Variants in DCP2 observed in about 807,000 individuals in gnomAD.
DCP2 encodes decapping mRNA 2, also known as m7GpppN-mRNA hydrolase.
In DCP2, 30 loss-of-function variants were observed where a neutral mutation model predicts 56.1. The ratio of observed to expected loss-of-function variants is 0.53; its 90% CI spans 0.40 to 0.73. The LOEUF is 0.73. Among genes scored for constraint, DCP2 ranks in the 30% least tolerant of loss-of-function variants. The pLI is 0.00. For synonymous variants in DCP2, 197 were observed against 163.3 expected (o/e 1.21, Z -1.57); for missense variants, 533 against 502.7 (o/e 1.06, Z -0.58).
intron 2 of DCP2, among the ~76,000 whole-genome samples, chr5:112,991,339 A>T (rs1211849280): frequency 6.6e-6 from 1 of 152,194 alleles, no homozygotes; most frequent in African/African-American, 2.4e-5. Flanking sequence ...TATTATAGTG[A>T]TGGGGCATTC....
chr5:112,983,678 T>C (rs748681171), intron 1 of DCP2, among the ~76,000 whole-genome samples: 4 of 152,058 alleles, frequency 2.6e-5, no homozygotes, highest in Non-Finnish European at 4.4e-5. Flanking sequence ...AAGGAAGATA[T>C]TAGAAGCATC....
intron 1 of DCP2, among the ~76,000 whole-genome samples, chr5:112,979,821 A>G (rs1747911579): frequency 6.6e-6 from 1 of 152,198 alleles, no homozygotes; most frequent in Non-Finnish European, 1.5e-5. Flanking sequence ...TGTGTGTTGA[A>G]AAGATGTACA....
intron 8 of DCP2, among the ~76,000 whole-genome samples, chr5:113,005,262 T>TTA (rs1749371437): frequency 6.6e-6 from 1 of 151,706 alleles, no homozygotes; most frequent in Admixed American, 6.6e-5. Flanking sequence ...TATTTGCAAA[T>TTA]TATATATATA....
chr5:112,995,028 G>C (rs2150178685), intron 4 of DCP2, among the ~76,000 whole-genome samples: 1 of 152,212 alleles, frequency 6.6e-6, no homozygotes, highest in Non-Finnish European at 1.5e-5. Flanking sequence ...ATTAATGAGG[G>C]ATAATAGTTA....
At chr5:112,992,860 G>GGTTACT in intron 4 of DCP2, 90 bp downstream of exon 4, 12 of 873,068 alleles carry the variant, frequency 1.4e-5, no homozygotes, top group Non-Finnish European at 1.9e-5. Flanking sequence ...TCTTTGGACT[G>GGTTACT]TCTTAACCCT....
chr5:112,980,886 A>T (rs569169943), intron 1 of DCP2, among the ~76,000 whole-genome samples: 6 of 151,878 alleles, frequency 4.0e-5, no homozygotes, highest in African/African-American at 1.4e-4. Context: ...TCAACTTTCT[A>T]TATTGAATTG....
At chr5:113,009,579 C>CG (rs751573722) in intron 9 of DCP2, among the ~76,000 whole-genome samples, 4 of 152,158 alleles carry the variant, frequency 2.6e-5, no homozygotes, top group African/African-American at 4.8e-5. Context: ...AAAGTGTTCA[C>CG]TTTTTCCCTA....
In DCP2 at chr5:113,001,220, C is replaced by G. The variant is rs1749161351; in HGVS notation, c.569C>G (p.Thr190Ser). 6.2e-7 allele frequency: 1 copy of G among 1,613,070 alleles called. No individual in the cohort carries two copies. Among genetic ancestry groups the G allele is most frequent in the Non-Finnish European group, 8.5e-7 (1 of 1,179,744 alleles). ...AAAGACACAAAATTTAACCCAAAAACTAGAAGAGAAATTCGGGTATGTAAC... is the reference window on the plus strand; with the variant it reads ...AAAGACACAAAATTTAACCCAAAAAGTAGAAGAGAAATTCGGGTATGTAAC... ...IPKDTKFNPK[T>S]RREIRNIEWF... Residue 190 changes from threonine to serine, a missense_variant, in exon 5 of 11, where the codon ACT becomes AGT. Coordinates refer to ENST00000389063, the MANE Select transcript of DCP2 (RefSeq NM_152624.6).
intron 4 of DCP2, among the ~76,000 whole-genome samples, chr5:112,995,557 G>A (rs1159504932): frequency 2.0e-5 from 3 of 152,188 alleles, no homozygotes; most frequent in African/African-American, 7.2e-5. Flanking sequence ...GTCTTGGTTT[G>A]AGGGAAGCAC....
Position 112,999,454 on chromosome 5 carries a change from G to A in DCP2, c.433-1630G>A, listed in dbSNP as rs190235208. Among the ~76,000 whole-genome samples the A allele has an allele frequency of 6.9e-3, 1,051 of 151,652 alleles. 16 individuals are homozygous for A. Among genetic ancestry groups the A allele is most frequent in the African/African-American group, 0.023 (943 of 41,348 alleles). ...AGTGATTCTCCTGTCTCAGCCTTCC[G>A]AGTAGCTGGGATTACAGGCATGCGC... On this transcript the variant is annotated intron_variant, in intron 4 of 10. Transcript: ENST00000389063.
intron 8 of DCP2, among the ~76,000 whole-genome samples, chr5:113,006,823 A>G (rs186673856): frequency 2.6e-5 from 4 of 152,332 alleles, no homozygotes; most frequent in African/African-American, 4.8e-5. Flanking sequence ...TTTAGGAATA[A>G]TGGCCCACAT....
chr5:112,998,110 G>A (rs1458682529), intron 4 of DCP2, among the ~76,000 whole-genome samples: 3 of 152,124 alleles, frequency 2.0e-5, no homozygotes, highest in South Asian at 2.1e-4. Context: ...CTTTTTCCTG[G>A]CAAATATTTG....
intron 2 of DCP2, among the ~76,000 whole-genome samples, chr5:112,988,545 T>A (rs866770660): frequency 1.3e-5 from 2 of 150,258 alleles, no homozygotes; most frequent in Non-Finnish European, 1.5e-5. Context: ...TTGGTTGGTC[T>A]GTTACATCAC....
rs1011950070 is a variant in DCP2, at chr5:113,016,595, T to C, written c.*3111T>C. 1 of 152,202 alleles carries C rather than the reference T, an allele frequency of 6.6e-6. No homozygotes were observed. Among genetic ancestry groups the C allele is most frequent in the Non-Finnish European group, 1.5e-5 (1 of 68,036 alleles). 9.4% of individuals were successfully genotyped at this position (152,202 alleles called of 1,614,324 possible). The stretch of plus-strand genomic sequence containing the variant: ...ATGTCAAATAAAAGGAATTCAAATC[T>C]GAGTAAATAACAGCCTCCTACTATA... On this transcript the variant is annotated 3_prime_UTR_variant, in exon 11 of 11. Coordinates refer to ENST00000389063, the MANE Select transcript of DCP2 (RefSeq NM_152624.6).
intron 1 of DCP2, among the ~76,000 whole-genome samples, chr5:112,979,469 C>G (rs73229003): frequency 6.6e-6 from 1 of 152,018 alleles, no homozygotes; most frequent in Non-Finnish European, 1.5e-5. Context: ...TTCTGAACTT[C>G]TTTGCTCTCT....
intron 4 of DCP2, 75 bp downstream of exon 4, chr5:112,992,845 T>A (rs902602277): frequency 1.7e-6 from 2 of 1,157,982 alleles, no homozygotes; most frequent in African/African-American, 3.2e-5. Context: ...CCATATAGAC[T>A]TACTTCTTTG....
intron 4 of DCP2, among the ~76,000 whole-genome samples, chr5:112,997,173 C>T (rs1332994868): frequency 6.6e-6 from 1 of 152,222 alleles, no homozygotes. Flanking sequence ...GGAATGTTAG[C>T]ATGAGTAATT....
At chr5:112,995,194 A>G (rs1748793173) in intron 4 of DCP2, among the ~76,000 whole-genome samples, 1 of 152,230 alleles carries the variant, frequency 6.6e-6, no homozygotes, top group Non-Finnish European at 1.5e-5. Context: ...CTATAGACAA[A>G]GCTGTTGTGT....
At chr5:113,012,193 C>G (rs1749704514) in intron 10 of DCP2, among the ~76,000 whole-genome samples, 1 of 152,088 alleles carries the variant, frequency 6.6e-6, no homozygotes, top group Non-Finnish European at 1.5e-5. Context: ...AGACTCTTGT[C>G]TCTACAAAAA....
Sources: allele counts gnomAD v4.1 joint callset (sites outside exome capture counted in the v4.1 genomes callset), GRCh38; gene constraint gnomAD v4.1.1; transcripts MANE v1.5; gene names NCBI Gene and HGNC (gene_info 2026-07-23, HGNC 2026-07-21).